NLRP1: variants seen among roughly 807,000 people sequenced by gnomAD.
NLRP1 encodes NACHT, LRR and PYD domains-containing protein 1.
NLRP1 carries 94 observed loss-of-function variants against 136.7 expected under a neutral mutation model. The ratio of observed to expected loss-of-function variants is 0.69; its 90% CI spans 0.58 to 0.82. NLRP1 has a LOEUF of 0.82. Among genes scored for constraint, NLRP1 ranks in the 40% least tolerant of loss-of-function variants. NLRP1 has a pLI of 0.00. For synonymous variants in NLRP1, 690 were observed against 725.1 expected, an observed-to-expected ratio of 0.95 and a Z score of 0.78; for missense variants, 1,575 against 1,802.7, an observed-to-expected ratio of 0.87 and a Z score of 2.29.
intron 3 of NLRP1, among the ~76,000 whole-genome samples, chr17:5,575,169 A>G (rs1291915967): frequency 6.6e-6 from 1 of 152,256 alleles, no homozygotes; most frequent in Non-Finnish European, 1.5e-5. Context: ...CTGCAAAAAC[A>G]TGCCAAACTG....
At chr17:5,536,449 T>A (rs1421737553) in intron 8 of NLRP1, among the ~76,000 whole-genome samples, 2 of 138,338 alleles carry the variant, frequency 1.4e-5, no homozygotes, top group Non-Finnish European at 3.1e-5. Flanking sequence ...GCCCGGCTTT[T>A]TTTTTTTTTT....
chr17:5,567,204 T>C (rs944554125), intron 3 of NLRP1, among the ~76,000 whole-genome samples: 1 of 152,056 alleles, frequency 6.6e-6, no homozygotes, highest in African/African-American at 2.4e-5. Context: ...TGCCATTTTA[T>C]TATTTGTTTT....
At position 5,583,080 on chromosome 17, in the gene NLRP1, TGA is replaced by T. The variant is rs1905881642; in HGVS notation, c.272-236_272-235del. ...GAAATTTGCATATCTGTCTTGGTCC[TGA>T]CTATCTCCCTGTGTAAATCACTACT... On this transcript the variant is annotated intron_variant, in intron 1 of 16. Coordinates refer to ENST00000572272, the MANE Select transcript of NLRP1 (RefSeq NM_033004.4). The surrounding 1 kb of genome is among the most constrained non-coding windows in gnomAD (Gnocchi z 4.5). Among the ~76,000 whole-genome samples, 1 of 147,502 alleles carries T rather than the reference TGA, an allele frequency of 6.8e-6. No individual in the cohort carries two copies. Among genetic ancestry groups the T allele is most frequent in the African/African-American group, 2.7e-5 (1 of 36,982 alleles).
intron 3 of NLRP1, among the ~76,000 whole-genome samples, chr17:5,565,732 C>T (rs1046755447): frequency 1.3e-5 from 2 of 152,040 alleles, no homozygotes; most frequent in Non-Finnish European, 2.9e-5. Flanking sequence ...TCTATTTTTT[C>T]GGAGTAGTTT....
At chr17:5,546,856 G>A (rs527929979) in intron 5 of NLRP1, among the ~76,000 whole-genome samples, 1 of 152,324 alleles carries the variant, frequency 6.6e-6, no homozygotes, top group South Asian at 2.1e-4. Flanking sequence ...GTGTAAGGCT[G>A]TACACTCTTC....
chr17:5,554,082 G>A (rs1913728759), intron 4 of NLRP1, among the ~76,000 whole-genome samples: 1 of 151,586 alleles, frequency 6.6e-6, no homozygotes, highest in Non-Finnish European at 1.5e-5. Context: ...CAGAGCCTGG[G>A]AGAGATGGCC....
intron 3 of NLRP1, among the ~76,000 whole-genome samples, chr17:5,580,191 C>T (rs1273562606): frequency 1.3e-5 from 2 of 151,974 alleles, no homozygotes; most frequent in Non-Finnish European, 2.9e-5. Context: ...GTGGAGATCA[C>T]GCCACTGCAC....
chr17:5,558,915 T>C lies in NLRP1; in HGVS notation c.1781A>G (p.His594Arg), dbSNP rs1338445712. Residue 594 changes from histidine (H) to arginine (R), a missense_variant, in exon 4 of 17, where the codon CAT becomes CGT. Transcript: ENST00000572272. ...GGAGATGATGGCCCCATCTAACCCA[T>C]GCTTCCTGAGGTCATCTGGACTGAA... ...TLFSPDDLRK[H>R]GLDGAIISTF... is the part of the protein sequence containing the mutation. The C allele has an allele frequency of 6.2e-7, 1 of 1,614,156 alleles. No homozygotes were observed. The highest frequency in any genetic ancestry group is 1.3e-5 in the African/African-American group (1 of 75,038).
chr17:5,556,068 TGGTGA>T (rs1914010439), intron 4 of NLRP1, among the ~76,000 whole-genome samples: 2 of 150,758 alleles, frequency 1.3e-5, no homozygotes, highest in Non-Finnish European at 2.9e-5. Context: ...CATGCCAGCC[TGGTGA>T]CAGAGCAAGA....
At position 5,520,950 on chromosome 17, in the gene NLRP1, G is replaced by A; in HGVS notation, c.3846C>T (p.Thr1282=). The change falls in exon 14 of 17, where the codon ACC becomes ACT. Residue 1282 remains threonine, a synonymous_variant. Transcript: ENST00000572272. ...FVRIHKPPPL[T]PLYMGCRYTV... ...TGTAACGACAGCCCATATAAAGTGG[G>A]GTCAGCGGGGGTGGCTTGTGGATTC... is the stretch of plus-strand genomic sequence containing the variant. 6.2e-7 allele frequency: 1 copy of A among 1,612,216 alleles called. No homozygotes were observed.
chr17:5,539,954 C>T (rs564147552), intron 6 of NLRP1, among the ~76,000 whole-genome samples: 2 of 152,338 alleles, frequency 1.3e-5, no homozygotes, highest in South Asian at 2.1e-4. Flanking sequence ...TGTCCCAGGC[C>T]TCCCAAAGTA....
At position 5,514,334 on chromosome 17, in the gene NLRP1, G is replaced by A. The variant is rs193088081; in HGVS notation, c.*420C>T. 52 of 935,630 alleles carry A rather than the reference G, an allele frequency of 5.6e-5. No individual in the cohort carries two copies. In the African/African-American group the frequency reaches 7.9e-4, roughly 14 times the overall value. 58.0% of individuals were successfully genotyped at this position (935,630 alleles called of 1,614,324 possible). A position where few individuals can be genotyped will look rare whatever the true frequency, so the allele number is the denominator to read the frequency against. On this transcript the variant is annotated 3_prime_UTR_variant, in exon 17 of 17. Coordinates refer to ENST00000572272, the MANE Select transcript of NLRP1 (RefSeq NM_033004.4). The stretch of plus-strand genomic sequence containing the variant: ...TTGGCTTGCTCTTGTAGATCTTCCT[G>A]TACAAAGCCAAGAATCCACGTGGCC...
At chr17:5,544,435 A>G (rs970743297) in intron 5 of NLRP1, among the ~76,000 whole-genome samples, 1 of 152,140 alleles carries the variant, frequency 6.6e-6, no homozygotes, top group African/African-American at 2.4e-5. Context: ...CATGGGAAGG[A>G]GACATGTCTG....
intron 3 of NLRP1, among the ~76,000 whole-genome samples, chr17:5,573,706 G>C (rs1291715578): frequency 8.5e-5 from 13 of 152,200 alleles, no homozygotes; most frequent in African/African-American, 3.1e-4. Context: ...AGGCAAACAA[G>C]GTCTGGAGTG....
intron 5 of NLRP1, among the ~76,000 whole-genome samples, chr17:5,549,359 A>T (rs1913048954): frequency 6.6e-6 from 1 of 151,100 alleles, no homozygotes; most frequent in East Asian, 2.0e-4. Flanking sequence ...GCTCACTGCT[A>T]CCTCTGCCTA....
chr17:5,508,879 CTTCT>C (rs1167873757), intron 15 of NLRP1, among the ~76,000 whole-genome samples: 3 of 152,182 alleles, frequency 2.0e-5, no homozygotes, highest in East Asian at 1.9e-4. Context: ...CATGGGGTGA[CTTCT>C]TTCTCATTTG....
intron 3 of NLRP1, among the ~76,000 whole-genome samples, chr17:5,577,804 C>T (rs1487612813): frequency 1.3e-5 from 2 of 152,210 alleles, no homozygotes; most frequent in Non-Finnish European, 2.9e-5. Flanking sequence ...ACTGCCAAGA[C>T]AATCCTAAGC....
At chr17:5,533,462 G>T in intron 9 of NLRP1, 78 bp from the exon 10 acceptor site, 1 of 694,526 alleles carries the variant, frequency 1.4e-6, no homozygotes, top group South Asian at 1.6e-5. Flanking sequence ...AGGCGGAGGT[G>T]GGAGGATTGT....
At chr17:5,581,788 C>T (rs1905675738) in intron 3 of NLRP1, 71 bp downstream of exon 3, 1 of 1,283,152 alleles carries the variant, frequency 7.8e-7, no homozygotes, top group Non-Finnish European at 1.1e-6. Flanking sequence ...ACCTGGTCCC[C>T]AGGGGACTCT....
Sources: allele counts gnomAD v4.1 joint callset (sites outside exome capture counted in the v4.1 genomes callset), GRCh38; gene constraint gnomAD v4.1.1; non-coding constraint Gnocchi (gnomAD v3.1); transcripts MANE v1.5; gene names NCBI Gene and HGNC (gene_info 2026-07-23, HGNC 2026-07-21).